BBS9: variants seen among roughly 807,000 people sequenced by gnomAD.
The protein encoded by BBS9 is protein PTHB1.
BBS9 carries 89 observed loss-of-function variants against 117.7 expected under a neutral mutation model. The ratio of observed to expected loss-of-function variants is 0.76; its 90% CI spans 0.64 to 0.90. BBS9 has a LOEUF of 0.90. Among genes scored for constraint, BBS9 ranks in the 40% least tolerant of loss-of-function variants. The pLI is 0.00. For missense variants in BBS9, 982 were observed against 1,042.2 expected, an observed-to-expected ratio of 0.94 and a Z score of 0.80; for synonymous variants, 379 against 370.9, an observed-to-expected ratio of 1.02 and a Z score of -0.25.
At chr7:33,567,691 C>T (rs1056537507) in intron 21 of BBS9, among the ~76,000 whole-genome samples, 1 of 152,208 alleles carries the variant, frequency 6.6e-6, no homozygotes. Flanking sequence ...CTCCCAAGCT[C>T]TAGATCCATA....
intron 21 of BBS9, among the ~76,000 whole-genome samples, chr7:33,591,704 G>T (rs1040492210): frequency 6.6e-6 from 1 of 151,928 alleles, no homozygotes; most frequent in Admixed American, 6.6e-5. Context: ...TGGCCATTAC[G>T]ATTTCCCATG....
At chr7:33,487,190 A>G (rs1264997740) in intron 19 of BBS9, among the ~76,000 whole-genome samples, 1 of 152,194 alleles carries the variant, frequency 6.6e-6, no homozygotes, top group African/African-American at 2.4e-5. Context: ...TTAAAGACGT[A>G]AGCTTAGGAT....
At chr7:33,487,848 GC>G (rs1441684725) in intron 19 of BBS9, among the ~76,000 whole-genome samples, 3 of 152,166 alleles carry the variant, frequency 2.0e-5, no homozygotes, top group Non-Finnish European at 4.4e-5. Context: ...CTTTCCACAT[GC>G]CCTTCTTGTC....
At position 33,273,277 on chromosome 7, in the gene BBS9, T is replaced by C. The variant is rs560355181; in HGVS notation, c.886+82T>C. On this transcript the variant is annotated intron_variant, in intron 8 of 22. Coordinates refer to ENST00000242067, the MANE Select transcript of BBS9 (RefSeq NM_198428.3). Reference sequence around the variant, plus strand: ...CCAGAAAAAGCCACACTCATACACATATTGTAAACATATATGAAAACAGTT... The same window carrying C: ...CCAGAAAAAGCCACACTCATACACACATTGTAAACATATATGAAAACAGTT... The C allele has an allele frequency of 5.2e-5, 71 of 1,354,574 alleles. 1 individual carries two copies. In the East Asian group the frequency reaches 1.4e-3, roughly 27 times the overall value. The allele number at this position is 1,354,574 out of a possible 1,614,324, so 83.9% of individuals were successfully genotyped here.
At chr7:33,219,225 G>A (rs1027990094) in intron 5 of BBS9, among the ~76,000 whole-genome samples, 1 of 152,196 alleles carries the variant, frequency 6.6e-6, no homozygotes, top group African/African-American at 2.4e-5. Context: ...GGCAGGGCTC[G>A]CGACCTGCAG....
At chr7:33,324,157 A>G (rs1018015738) in intron 9 of BBS9, among the ~76,000 whole-genome samples, 14 of 151,970 alleles carry the variant, frequency 9.2e-5, no homozygotes, top group Admixed American at 9.2e-4. Flanking sequence ...CCTTTTAGTG[A>G]AAGTTATCTT....
At chr7:33,316,729 A>AT (rs536594402) in intron 9 of BBS9, among the ~76,000 whole-genome samples, 6 of 151,684 alleles carry the variant, frequency 4.0e-5, no homozygotes, top group Non-Finnish European at 5.9e-5. Flanking sequence ...GCCCAGTTAA[A>AT]TTTTTTTTTG....
At chr7:33,164,180 A>C (rs140254237) in intron 4 of BBS9, among the ~76,000 whole-genome samples, 2,158 of 152,318 alleles carry the variant, frequency 0.014, 56 homozygotes, top group African/African-American at 0.049. Context: ...ATTTGATTGC[A>C]CTGTGGTCTG....
At chr7:33,483,013 G>T (rs1440572662) in intron 19 of BBS9, among the ~76,000 whole-genome samples, 1 of 152,086 alleles carries the variant, frequency 6.6e-6, no homozygotes, top group Non-Finnish European at 1.5e-5. Flanking sequence ...ATTCTGGATA[G>T]AAATTTTTAA....
intron 21 of BBS9, among the ~76,000 whole-genome samples, chr7:33,560,512 G>T (rs1323568544): frequency 6.6e-6 from 1 of 152,152 alleles, no homozygotes; most frequent in Admixed American, 6.5e-5. Context: ...ATAAGCTTTG[G>T]TTCAGGTGCT....
chr7:33,381,194 A>G (rs989739827), intron 17 of BBS9, among the ~76,000 whole-genome samples: 11 of 152,124 alleles, frequency 7.2e-5, no homozygotes, highest in Admixed American at 6.5e-4. Context: ...CTGTTATGTG[A>G]TAGGCCTTCC....
chr7:33,134,763 A>T (rs533631093), intron 1 of BBS9, among the ~76,000 whole-genome samples: 72 of 151,908 alleles, frequency 4.7e-4, no homozygotes, highest in Admixed American at 7.9e-4. Flanking sequence ...TGCCCAGCTT[A>T]TTTTTTCTTT....
At chr7:33,546,185 G>A (rs1276314511) in intron 21 of BBS9, among the ~76,000 whole-genome samples, 2 of 151,782 alleles carry the variant, frequency 1.3e-5, no homozygotes, top group South Asian at 2.1e-4. Context: ...CGCCCACCTC[G>A]GCCTCCCAAA....
At chr7:33,611,186 A>C (rs1474073453) in intron 21 of BBS9, among the ~76,000 whole-genome samples, 1 of 152,022 alleles carries the variant, frequency 6.6e-6, no homozygotes, top group Non-Finnish European at 1.5e-5. Flanking sequence ...GTCTGGTACC[A>C]GTTCCAGAAA....
intron 9 of BBS9, among the ~76,000 whole-genome samples, chr7:33,304,685 T>C (rs1314693758): frequency 1.3e-5 from 2 of 151,636 alleles, no homozygotes; most frequent in African/African-American, 4.8e-5. Context: ...ATGGCGGTTT[T>C]GTCGAAAAGA....
chr7:33,220,059 G>T (rs1210534631), intron 5 of BBS9, among the ~76,000 whole-genome samples: 1 of 152,082 alleles, frequency 6.6e-6, no homozygotes, highest in African/African-American at 2.4e-5. Flanking sequence ...AACACTCACC[G>T]CGAGGGTCCG....
At chr7:33,148,331 G>C (rs79510131) in intron 2 of BBS9, among the ~76,000 whole-genome samples, 1,841 of 152,230 alleles carry the variant, frequency 0.012, 34 homozygotes, top group African/African-American at 0.043. Flanking sequence ...AGGATCAACA[G>C]GGGAAGTGTG....
At chr7:33,549,626 C>T (rs1854029306) in intron 21 of BBS9, among the ~76,000 whole-genome samples, 1 of 150,540 alleles carries the variant, frequency 6.6e-6, no homozygotes, top group African/African-American at 2.5e-5. Flanking sequence ...AGGACATGAA[C>T]AGACACTTCT....
At position 33,514,198 on chromosome 7, in the gene BBS9, G is replaced by A. The variant is rs139632072; in HGVS notation, c.2298+8553G>A. On this transcript the variant is annotated intron_variant, in intron 20 of 22. Coordinates refer to ENST00000242067, the MANE Select transcript of BBS9 (RefSeq NM_198428.3). ...GTCCTTAGCAAGTGGTGGAACTCAC[G>A]GAGTATTGGTTTCCTTATCTGTACG... Among the ~76,000 whole-genome samples, 17 of 152,280 alleles carry A rather than the reference G, an allele frequency of 1.1e-4. No individual in the cohort carries two copies. The East Asian group carries it at 2.7e-3, about 24-fold the overall frequency.
Sources: allele counts gnomAD v4.1 joint callset (sites outside exome capture counted in the v4.1 genomes callset), GRCh38; gene constraint gnomAD v4.1.1; transcripts MANE v1.5; gene names NCBI Gene and HGNC (gene_info 2026-07-23, HGNC 2026-07-21).